Variants in NRG1 observed in about 807,000 individuals in gnomAD.
NRG1 encodes neuregulin 1, also known as pro-neuregulin-1, membrane-bound isoform.
In NRG1, 18 loss-of-function variants were observed where a neutral mutation model predicts 63.8. The observed-to-expected ratio is 0.28, with a 90% confidence interval of 0.19 to 0.42. The LOEUF is 0.42. NRG1 is among the 10% of genes least tolerant of loss of function. The pLI, the probability that NRG1 is intolerant of heterozygous loss-of-function variation, is 1.00. For synonymous variants in NRG1, 302 were observed against 301.3 expected, an observed-to-expected ratio of 1.00 and a Z score of -0.02; for missense variants, 762 against 814.7, an observed-to-expected ratio of 0.94 and a Z score of 0.79.
At chr8:32,746,096 C>T (rs1564092780) in intron 7 of NRG1, among the ~76,000 whole-genome samples, 1 of 151,978 alleles carries the variant, frequency 6.6e-6, no homozygotes, top group Non-Finnish European at 1.5e-5. Context: ...TAAATTCCAG[C>T]CAAGTGTTAG....
intron 1 of NRG1, among the ~76,000 whole-genome samples, chr8:31,960,115 G>A (rs866571310): frequency 6.6e-6 from 1 of 152,202 alleles, no homozygotes; most frequent in Non-Finnish European, 1.5e-5. Context: ...AGACTTAAAT[G>A]AAAGCATTCC....
At chr8:32,658,536 T>G (rs2466048) in intron 5 of NRG1, among the ~76,000 whole-genome samples, 78,700 of 151,898 alleles carry the variant, frequency 0.52, 21,070 homozygotes, top group East Asian at 0.84. Context: ...CTGATTGTAT[T>G]TTGGGTTATT....
chr8:32,017,818 G>A (rs992381442), intron 1 of NRG1, among the ~76,000 whole-genome samples: 25 of 152,170 alleles, frequency 1.6e-4, no homozygotes, highest in African/African-American at 5.6e-4. Context: ...GCAGTTGTCT[G>A]AACCTAGTCT....
intron 1 of NRG1, among the ~76,000 whole-genome samples, chr8:32,369,979 G>A (rs1414763860): frequency 2.6e-5 from 4 of 151,992 alleles, no homozygotes; most frequent in Admixed American, 2.6e-4. Context: ...CACCAAGAGC[G>A]GAGAGCAAGA....
At chr8:31,846,674 G>A (rs1826720640) in intron 1 of NRG1, among the ~76,000 whole-genome samples, 1 of 152,162 alleles carries the variant, frequency 6.6e-6, no homozygotes, top group Non-Finnish European at 1.5e-5. Context: ...TGCACACAAT[G>A]CTGTAGGAAT....
chr8:31,818,167 C>T (rs1261066240), intron 1 of NRG1, among the ~76,000 whole-genome samples: 1 of 152,154 alleles, frequency 6.6e-6, no homozygotes, highest in Non-Finnish European at 1.5e-5. Context: ...CTACTCATGA[C>T]ATCAAGGAAG....
At chr8:31,907,978 G>A (rs1832663426) in intron 1 of NRG1, among the ~76,000 whole-genome samples, 1 of 152,050 alleles carries the variant, frequency 6.6e-6, no homozygotes, top group Non-Finnish European at 1.5e-5. Flanking sequence ...AGAAGCTTTA[G>A]GGAGTTACTA....
intron 5 of NRG1, among the ~76,000 whole-genome samples, chr8:32,713,625 T>A (rs1326438197): frequency 6.7e-6 from 1 of 149,214 alleles, no homozygotes; most frequent in Non-Finnish European, 1.5e-5. Flanking sequence ...AAAAAAAAAA[T>A]GTGTGGCCAG....
At chr8:31,883,613 CA>C (rs1452621381) in intron 1 of NRG1, among the ~76,000 whole-genome samples, 2 of 152,014 alleles carry the variant, frequency 1.3e-5, no homozygotes, top group African/African-American at 4.8e-5. Flanking sequence ...TGAACTTACA[CA>C]ATAATTTACG....
intron 1 of NRG1, among the ~76,000 whole-genome samples, chr8:32,077,745 G>C (rs1826811432): frequency 6.6e-6 from 1 of 152,174 alleles, no homozygotes; most frequent in Admixed American, 6.5e-5. Flanking sequence ...ACGGGATGAA[G>C]TGAATATGCT....
At chr8:32,024,158 T>C (rs1459432691) in intron 1 of NRG1, among the ~76,000 whole-genome samples, 1 of 152,226 alleles carries the variant, frequency 6.6e-6, no homozygotes, top group Non-Finnish European at 1.5e-5. Context: ...TCCTGCCTAA[T>C]ACAGTAATTT....
intron 1 of NRG1, among the ~76,000 whole-genome samples, chr8:32,084,826 G>GT (rs1827982208): frequency 1.3e-5 from 2 of 152,264 alleles, no homozygotes; most frequent in South Asian, 4.1e-4. Flanking sequence ...ATGAGACTGA[G>GT]TGCAAAGTCA....
chr8:32,591,152 TAA>T (rs1028064808), intron 1 of NRG1, among the ~76,000 whole-genome samples: 2 of 152,182 alleles, frequency 1.3e-5, no homozygotes, highest in African/African-American at 4.8e-5. Flanking sequence ...GTTATCAACT[TAA>T]GAGAGCTGTT....
At chr8:31,859,156 C>T (rs1043501780) in intron 1 of NRG1, among the ~76,000 whole-genome samples, 1 of 152,102 alleles carries the variant, frequency 6.6e-6, no homozygotes, top group Non-Finnish European at 1.5e-5. Flanking sequence ...TTTGCATCAA[C>T]CTTAATATTT....
intron 1 of NRG1, among the ~76,000 whole-genome samples, chr8:31,877,441 A>G (rs948456099): frequency 6.6e-6 from 1 of 151,060 alleles, no homozygotes; most frequent in Admixed American, 6.6e-5. Context: ...TCTTTTGGTT[A>G]TCTCTCTCTC....
Position 32,087,398 on chromosome 8 carries a change from G to A in NRG1, c.37+447967G>A, listed in dbSNP as rs143509939. On this transcript the variant is annotated intron_variant, in intron 1 of 10. Coordinates refer to the NRG1 transcript ENST00000519301. Reference sequence around the variant, plus strand: ...CTCACTAGAAATAGATGCTGGAGCCGTGGTGGTACAGCATGCAGGACTGTG... The same window carrying A: ...CTCACTAGAAATAGATGCTGGAGCCATGGTGGTACAGCATGCAGGACTGTG... 4.6e-3 allele frequency among the ~76,000 whole-genome samples: 700 copies of A among 151,796 alleles called. 10 individuals carry two copies. The highest frequency in any genetic ancestry group is 0.015 in the African/African-American group (629 of 41,394).
intron 1 of NRG1, among the ~76,000 whole-genome samples, chr8:31,811,786 C>T (rs139973662): frequency 1.6e-3 from 244 of 152,110 alleles, no homozygotes; most frequent in East Asian, 8.9e-3. Flanking sequence ...TGTAATTTAA[C>T]GAAAGAGAGG....
intron 1 of NRG1, among the ~76,000 whole-genome samples, chr8:32,575,409 T>C (rs1169998176): frequency 1.3e-5 from 2 of 150,274 alleles, no homozygotes; most frequent in African/African-American, 2.5e-5. Flanking sequence ...CTATAAAAGT[T>C]CCCTTCCTGG....
chr8:31,949,121 T>C (rs548466447), intron 1 of NRG1, among the ~76,000 whole-genome samples: 4 of 152,346 alleles, frequency 2.6e-5, no homozygotes, highest in Admixed American at 2.6e-4. Flanking sequence ...ATAATCATAA[T>C]AGCTAATGTA....
Sources: gnomAD v4.1 joint callset for allele counts (sites outside exome capture counted in the v4.1 genomes callset) on GRCh38, gnomAD v4.1.1 for gene constraint, MANE v1.5 for transcripts, NCBI Gene and HGNC (gene_info 2026-07-23, HGNC 2026-07-21) for gene names.